Variants in EPB41 observed in about 807,000 individuals in gnomAD.
EPB41 encodes erythrocyte membrane protein band 4.1, also known as protein 4.1.
Under a neutral mutation model 108.0 loss-of-function variants are expected in EPB41, and 65 were observed. The ratio of observed to expected loss-of-function variants is 0.60; its 90% confidence interval spans 0.49 to 0.74. EPB41 has a LOEUF of 0.74. Ranked by LOEUF, EPB41 falls within the 30% of genes least tolerant of loss-of-function variation. The probability of loss-of-function intolerance (pLI) is 0.00; values close to 1 mark genes in which losing one functional copy is unlikely to be tolerated. For synonymous variants in EPB41, 336 were observed against 358.9 expected, an observed-to-expected ratio of 0.94 and a Z score of 0.72; for missense variants, 875 against 1,037.0, an observed-to-expected ratio of 0.84 and a Z score of 2.15.
intron 17 of EPB41, among the ~76,000 whole-genome samples, chr1:29,103,003 C>T (rs1006350364): frequency 6.6e-6 from 1 of 152,116 alleles, no homozygotes; most frequent in African/African-American, 2.4e-5. Flanking sequence ...GAACTCCTGA[C>T]CTCAGGTGAT....
At chr1:29,040,051 G>C (rs1167375832) in intron 11 of EPB41, among the ~76,000 whole-genome samples, 1 of 152,060 alleles carries the variant, frequency 6.6e-6, no homozygotes. Context: ...AGGCCTCTTA[G>C]CATTTAAAAA....
intron 1 of EPB41, among the ~76,000 whole-genome samples, chr1:28,937,609 GGTCTTT>G (rs2094097771): frequency 6.6e-6 from 1 of 152,144 alleles, no homozygotes; most frequent in Non-Finnish European, 1.5e-5. Context: ...TGGCCAGGCT[GGTCTTT>G]AACTCCTGAC....
chr1:28,939,945 AG>A (rs2094206079), intron 1 of EPB41, among the ~76,000 whole-genome samples: 1 of 152,180 alleles, frequency 6.6e-6, no homozygotes, highest in Non-Finnish European at 1.5e-5. Context: ...GATAGAAACT[AG>A]GGCAGCTTAT....
chr1:29,002,283 C>T (rs2096309151), intron 4 of EPB41, among the ~76,000 whole-genome samples: 1 of 152,000 alleles, frequency 6.6e-6, no homozygotes, highest in East Asian at 1.9e-4. Flanking sequence ...AACCCTGTCT[C>T]TACCAAAAAT....
At chr1:28,944,006 C>T (rs2094401654) in intron 1 of EPB41, among the ~76,000 whole-genome samples, 1 of 152,190 alleles carries the variant, frequency 6.6e-6, no homozygotes, top group Non-Finnish European at 1.5e-5. Context: ...TCTACATATA[C>T]ACATTGGAGT....
intron 4 of EPB41, among the ~76,000 whole-genome samples, chr1:29,003,261 G>T (rs1225930457): frequency 6.6e-6 from 1 of 152,196 alleles, no homozygotes; most frequent in African/African-American, 2.4e-5. Flanking sequence ...AATACAGAAG[G>T]TAATAGAGCT....
intron 17 of EPB41, among the ~76,000 whole-genome samples, chr1:29,105,045 G>A (rs1231819970): frequency 6.6e-6 from 1 of 151,920 alleles, no homozygotes; most frequent in Non-Finnish European, 1.5e-5. Context: ...TTGACAAATG[G>A]CTATACATGT....
rs66808636 is a variant in EPB41, at chr1:28,921,938, T to TTATATATA, written c.-8+7187_-8+7194dup. Among the ~76,000 whole-genome samples, 299 of 102,634 alleles carry TTATATATA rather than the reference T, an allele frequency of 2.9e-3. 12 individuals carry two copies. Among genetic ancestry groups the TTATATATA allele is most frequent in the African/African-American group, 0.012 (255 of 22,010 alleles). 67.3% of individuals were successfully genotyped at this position (102,634 alleles called of 152,430 possible). ...TAAATAGTATTTTATTTATGAAATT[T>TTATATATA]TATATATATATATATATATATATAC... is the stretch of plus-strand genomic sequence containing the variant. On this transcript the variant is annotated intron_variant, in intron 1 of 20. Coordinates refer to ENST00000343067, the MANE Select transcript of EPB41 (RefSeq NM_001376013.1).
rs142598707 is a variant in EPB41 at position 28,967,564 on chromosome 1, T to C, written c.-7-19867T>C. Among the ~76,000 whole-genome samples, 81 of 152,300 alleles carry C rather than the reference T, an allele frequency of 5.3e-4. No homozygotes were observed. The East Asian group carries it at 0.014, about 27-fold the overall frequency. On this transcript the variant is annotated intron_variant, in intron 1 of 20. Coordinates refer to ENST00000343067, the MANE Select transcript of EPB41 (RefSeq NM_001376013.1). Reference sequence around the variant, plus strand: ...CTGTAGTATGAATTCGACCTTCCTTTCTTTCTCCCCCTTCATTTTCAGCAG... The same window carrying C: ...CTGTAGTATGAATTCGACCTTCCTTCCTTTCTCCCCCTTCATTTTCAGCAG...
intron 3 of EPB41, among the ~76,000 whole-genome samples, chr1:28,996,298 A>T (rs2096174586): frequency 6.6e-6 from 1 of 152,224 alleles, no homozygotes; most frequent in African/African-American, 2.4e-5. Context: ...TTTCTAGGTT[A>T]AGAAACATTA....
At chr1:28,974,328 A>G (rs1467672337) in intron 1 of EPB41, among the ~76,000 whole-genome samples, 2 of 152,214 alleles carry the variant, frequency 1.3e-5, no homozygotes, top group Non-Finnish European at 2.9e-5. Flanking sequence ...CTAGAAATGC[A>G]GATAAAGATT....
chr1:28,928,536 A>G (rs918826236), intron 1 of EPB41, among the ~76,000 whole-genome samples: 1 of 152,198 alleles, frequency 6.6e-6, no homozygotes, highest in Admixed American at 6.5e-5. Context: ...CAGATCATAT[A>G]ATCTCTGATT....
At chr1:28,937,085 TA>T (rs923851208) in intron 1 of EPB41, among the ~76,000 whole-genome samples, 7 of 151,712 alleles carry the variant, frequency 4.6e-5, no homozygotes, top group Non-Finnish European at 2.9e-5. Flanking sequence ...TTTTCCTTTG[TA>T]AAAAAAAATT....
At chr1:28,957,465 C>G (rs1030268073) in intron 1 of EPB41, among the ~76,000 whole-genome samples, 1 of 152,160 alleles carries the variant, frequency 6.6e-6, no homozygotes, top group African/African-American at 2.4e-5. Context: ...AGTGCAGTGA[C>G]GTAGTCTTGG....
intron 16 of EPB41, chr1:29,070,167 G>T (rs567167065): frequency 2.6e-5 from 10 of 389,110 alleles, no homozygotes; most frequent in African/African-American, 1.4e-4. Context: ...ACTCAAAAAG[G>T]TATCTATTGA....
At chr1:29,044,843 C>A (rs990483160) in intron 11 of EPB41, among the ~76,000 whole-genome samples, 3 of 152,038 alleles carry the variant, frequency 2.0e-5, no homozygotes, top group Admixed American at 1.3e-4. Context: ...GAGTGAGACT[C>A]CGTCTCAAAA....
At chr1:29,026,601 G>C (rs559524641) in intron 7 of EPB41, among the ~76,000 whole-genome samples, 37 of 152,100 alleles carry the variant, frequency 2.4e-4, no homozygotes, top group Non-Finnish European at 4.6e-4. Flanking sequence ...ATGAAAATTC[G>C]TGAGTCCATA....
chr1:29,001,826 T>A (rs1172381225), intron 4 of EPB41, among the ~76,000 whole-genome samples: 1 of 152,210 alleles, frequency 6.6e-6, no homozygotes, highest in Non-Finnish European at 1.5e-5. Context: ...AGTTGAGAGT[T>A]TACAATTATA....
At chr1:29,050,682 CT>C (rs113149173) in intron 11 of EPB41, among the ~76,000 whole-genome samples, 155 of 146,098 alleles carry the variant, frequency 1.1e-3, no homozygotes, top group African/African-American at 2.2e-3. Flanking sequence ...AAAGGAGATC[CT>C]TTTTTTTTTT....
Sources: gnomAD v4.1 joint callset for allele counts (sites outside exome capture counted in the v4.1 genomes callset) on GRCh38, gnomAD v4.1.1 for gene constraint, MANE v1.5 for transcripts, NCBI Gene and HGNC (gene_info 2026-07-23, HGNC 2026-07-21) for gene names.